The following WDR72 variants were observed in gnomAD, a reference collection of about 807,000 sequenced individuals.
WDR72 encodes WD repeat domain 72, also known as WD repeat-containing protein 72.
Under a neutral mutation model 124.2 loss-of-function variants are expected in WDR72, and 120 were observed. The observed-to-expected ratio is 0.97, with a 90% CI of 0.83 to 1.12. The LOEUF is 1.12. Ranked by LOEUF, WDR72 falls within the 50% of genes most tolerant of loss-of-function variation. The pLI, the probability that WDR72 is intolerant of heterozygous loss-of-function variation, is 0.00. For synonymous variants in WDR72, 452 were observed against 441.7 expected (o/e 1.02, Z -0.29); for missense variants, 1,387 against 1,278.8 (o/e 1.08, Z -1.29).
intron 18 of WDR72, among the ~76,000 whole-genome samples, chr15:53,540,035 G>A (rs917105913): frequency 1.2e-4 from 18 of 152,158 alleles, no homozygotes; most frequent in African/African-American, 3.9e-4. Flanking sequence ...TAAAGACACA[G>A]AGAAGAGTAT....
intron 13 of WDR72, among the ~76,000 whole-genome samples, chr15:53,692,329 A>T (rs1300482612): frequency 6.6e-6 from 1 of 152,228 alleles, no homozygotes; most frequent in Non-Finnish European, 1.5e-5. Context: ...ATTTCACCAG[A>T]ACAGGAAATA....
At chr15:53,533,923 T>C (rs2140239320) in intron 18 of WDR72, among the ~76,000 whole-genome samples, 1 of 152,302 alleles carries the variant, frequency 6.6e-6, no homozygotes, top group South Asian at 2.1e-4. Context: ...AGCACTTTAT[T>C]TGGCCTGTGT....
intron 18 of WDR72, among the ~76,000 whole-genome samples, chr15:53,531,270 C>G (rs1023821929): frequency 4.0e-5 from 6 of 151,678 alleles, no homozygotes; most frequent in South Asian, 2.1e-4. Context: ...TGGATGCTAA[C>G]AAGTATTTTA....
At chr15:53,650,892 AG>A (rs1364844171) in intron 14 of WDR72, among the ~76,000 whole-genome samples, 7 of 64,860 alleles carry the variant, frequency 1.1e-4, no homozygotes, top group African/African-American at 4.5e-4. Context: ...CCTCTAATTC[AG>A]TTTTTTTTTT....
chr15:53,576,320 A>C (rs1894753436), intron 18 of WDR72, among the ~76,000 whole-genome samples: 1 of 152,134 alleles, frequency 6.6e-6, no homozygotes, highest in Non-Finnish European at 1.5e-5. Flanking sequence ...CATCTTTCAC[A>C]GACCCCTCAG....
intron 1 of WDR72, among the ~76,000 whole-genome samples, chr15:53,733,434 C>A (rs2018262344): frequency 1.3e-5 from 2 of 152,146 alleles, no homozygotes; most frequent in African/African-American, 4.8e-5. Context: ...ATTCACTTCA[C>A]ACCCAGCTCT....
At chr15:53,740,377 A>C (rs563547046) in intron 1 of WDR72, among the ~76,000 whole-genome samples, 1 of 148,312 alleles carries the variant, frequency 6.7e-6, no homozygotes, top group South Asian at 2.1e-4. Flanking sequence ...GCGCGATCTC[A>C]GCTCACTGTA....
At chr15:53,674,689 C>T (rs1054707165) in intron 13 of WDR72, among the ~76,000 whole-genome samples, 1 of 152,182 alleles carries the variant, frequency 6.6e-6, no homozygotes, top group African/African-American at 2.4e-5. Flanking sequence ...TTATTTTGTA[C>T]TATATAGAGG....
Position 53,615,350 on chromosome 15 carries a change from G to A in WDR72, c.2780+76C>T, listed in dbSNP as rs1041862392. ...GGAAAGAAGGAAGGAATGTTAAAGA[G>A]CTAAATATAGCAAATAATGATATAT... On this transcript the variant is annotated intron_variant, in intron 15 of 19. Coordinates refer to ENST00000360509, the MANE Select transcript of WDR72 (RefSeq NM_182758.4). 6 of 1,215,794 alleles carry A rather than the reference G, an allele frequency of 4.9e-6. No individual in the cohort carries two copies. In the Admixed American group the frequency reaches 8.3e-5, roughly 17 times the overall value. The allele number at this position is 1,215,794 out of a possible 1,614,324, so 75.3% of individuals were successfully genotyped here.
In WDR72 at chr15:53,615,823, C is replaced by G. The variant is rs147252875; in HGVS notation, c.2383G>C (p.Ala795Pro). ...AAAAGGCAAGACAGAAACAATTTTG[C>G]TGTGTCTATTGTGAGACTGGCATCT... ...KVDASLTIDT[A>P]KLFLSCLLPW... The change falls in exon 15 of 20, where the codon GCA (alanine) becomes CCA (proline). Residue 795 changes from alanine (A) to proline (P), a missense_variant. Physicochemically the swap from Ala to Pro is conservative, Grantham distance 27. Transcript: ENST00000360509. 3.1e-6 allele frequency: 5 copies of G among 1,613,444 alleles called. No homozygotes were observed. The African/African-American group carries it at 5.3e-5, about 17-fold the overall frequency.
At chr15:53,613,857 G>T in intron 15 of WDR72, 100 bp from the exon 16 acceptor site, 1 of 735,618 alleles carries the variant, frequency 1.4e-6, no homozygotes, top group Non-Finnish European at 2.4e-6. Context: ...TAGCAAATTT[G>T]GAAATTGAAT....
In WDR72 at chr15:53,650,644, A is replaced by G. The variant is rs75942155; in HGVS notation, c.1962+14928T>C. The stretch of plus-strand genomic sequence containing the variant: ...ATGGCAAAATCTTATTCATCCATCA[A>G]GATTTAGTCCTAATATGACTTCCTG... On this transcript the variant is annotated intron_variant, in intron 14 of 19. Transcript: ENST00000360509. 4.6e-5 allele frequency among the ~76,000 whole-genome samples: 7 copies of G among 152,248 alleles called. No homozygotes were observed. In the East Asian group the frequency reaches 1.2e-3, roughly 25 times the overall value.
At chr15:53,752,146 A>G (rs1162335639) in intron 1 of WDR72, among the ~76,000 whole-genome samples, 4 of 152,200 alleles carry the variant, frequency 2.6e-5, no homozygotes, top group Non-Finnish European at 5.9e-5. Context: ...ATAAAGATAA[A>G]ACTTCAAAAG....
At chr15:53,626,094 T>G (rs1397499241) in intron 14 of WDR72, among the ~76,000 whole-genome samples, 1 of 152,056 alleles carries the variant, frequency 6.6e-6, no homozygotes, top group Non-Finnish European at 1.5e-5. Flanking sequence ...TTACCGGGGG[T>G]CCTTGCTCCC....
intron 10 of WDR72, among the ~76,000 whole-genome samples, chr15:53,705,461 TA>T (rs978501696): frequency 6.2e-5 from 9 of 145,114 alleles, no homozygotes; most frequent in African/African-American, 1.0e-4. Flanking sequence ...TGTTTTTAAT[TA>T]AAAAAAAATT....
chr15:53,703,817 G>A (rs1013677536), intron 11 of WDR72, among the ~76,000 whole-genome samples: 36 of 151,966 alleles, frequency 2.4e-4, no homozygotes, highest in East Asian at 5.8e-4. Context: ...ATTATACTTC[G>A]GAAACTTCTA....
At chr15:53,600,242 C>T (rs997114370) in intron 17 of WDR72, among the ~76,000 whole-genome samples, 1 of 152,092 alleles carries the variant, frequency 6.6e-6, no homozygotes, top group African/African-American at 2.4e-5. Flanking sequence ...GTACTTGAGT[C>T]TCTCTCTATA....
intron 1 of WDR72, among the ~76,000 whole-genome samples, chr15:53,756,208 C>T (rs1447545859): frequency 6.6e-6 from 1 of 152,092 alleles, no homozygotes; most frequent in South Asian, 2.1e-4. Context: ...ATGCTGTTCT[C>T]GTGATAGTAA....
rs560535578 is a variant in WDR72, at chr15:53,533,624, G to A, written c.3149-10302C>T. On this transcript the variant is annotated intron_variant, in intron 18 of 19. Transcript: ENST00000360509. ...AATATAATCTCAACTCGCATTTAGC[G>A]ATTTCTCACTAGATGCTACCCCTCT... Among the ~76,000 whole-genome samples the A allele has an allele frequency of 3.3e-5, 5 of 152,166 alleles. No individual in the cohort carries two copies. In the South Asian group the frequency reaches 8.3e-4, roughly 25 times the overall value.
Sources: gnomAD v4.1 joint callset for allele counts (sites outside exome capture counted in the v4.1 genomes callset) on GRCh38, gnomAD v4.1.1 for gene constraint, MANE v1.5 for transcripts, NCBI Gene and HGNC (gene_info 2026-07-23, HGNC 2026-07-21) for gene names.